The following LPAR1 variants were observed in gnomAD, a reference collection of about 807,000 sequenced individuals.
The protein encoded by LPAR1 is LPA receptor 1.
LPAR1 carries 5 observed loss-of-function variants against 23.8 expected under a neutral mutation model. The ratio of observed to expected loss-of-function variants is 0.21; its 90% CI spans 0.11 to 0.44. The LOEUF is 0.44. LPAR1 is among the 20% of genes least tolerant of loss of function. LPAR1 has a pLI of 0.99. For synonymous variants in LPAR1, 160 were observed against 164.7 expected, an observed-to-expected ratio of 0.97 and a Z score of 0.22; for missense variants, 311 against 482.8, an observed-to-expected ratio of 0.64 and a Z score of 3.33.
At chr9:110,893,240 T>C (rs1480803644) in intron 5 of LPAR1, among the ~76,000 whole-genome samples, 1 of 152,222 alleles carries the variant, frequency 6.6e-6, no homozygotes, top group Non-Finnish European at 1.5e-5. Context: ...AACAATTCCA[T>C]TTTAGAAATG....
At chr9:110,953,001 C>A (rs982570961) in intron 4 of LPAR1, among the ~76,000 whole-genome samples, 3 of 152,208 alleles carry the variant, frequency 2.0e-5, no homozygotes, top group African/African-American at 7.2e-5. Flanking sequence ...GGCACACAGA[C>A]GTATGTGCCA....
At chr9:111,034,011 A>G (rs991391950) in intron 2 of LPAR1, among the ~76,000 whole-genome samples, 2 of 152,222 alleles carry the variant, frequency 1.3e-5, no homozygotes, top group African/African-American at 2.4e-5. Flanking sequence ...GAACCTATAA[A>G]GCTCCTGAAT....
intron 4 of LPAR1, among the ~76,000 whole-genome samples, chr9:110,960,724 T>C (rs1165575604): frequency 1.3e-5 from 2 of 152,206 alleles, no homozygotes; most frequent in African/African-American, 4.8e-5. Context: ...GTTAATTTAC[T>C]CATCCACAAA....
At chr9:110,999,616 T>C (rs1371549571) in intron 2 of LPAR1, 2 of 356,464 alleles carry the variant, frequency 5.6e-6, no homozygotes, top group East Asian at 1.6e-4. Flanking sequence ...AGTTGGGCTC[T>C]GATGAGGCCT....
At chr9:111,021,815 G>A (rs1172192154) in intron 2 of LPAR1, among the ~76,000 whole-genome samples, 1 of 151,830 alleles carries the variant, frequency 6.6e-6, no homozygotes, top group Non-Finnish European at 1.5e-5. Context: ...ACAAAAATTA[G>A]CTGAGTGTGG....
rs752492347 is a variant in LPAR1 at position 110,956,807 on chromosome 9, C to G, written c.46-14639G>C. Among the ~76,000 whole-genome samples, 6 of 152,174 alleles carry G rather than the reference C, an allele frequency of 3.9e-5. No homozygotes were observed. In the East Asian group the frequency reaches 1.2e-3, roughly 29 times the overall value. ...GAATCAGTAATAAAAAGTCTCCCAA[C>G]AAAATAAATTCCAGGACTAAATGAC... On this transcript the variant is annotated intron_variant, in intron 4 of 5. Transcript: ENST00000683809.
intron 2 of LPAR1, among the ~76,000 whole-genome samples, chr9:111,023,407 C>A (rs969212526): frequency 6.6e-6 from 1 of 152,196 alleles, no homozygotes; most frequent in African/African-American, 2.4e-5. Context: ...ATGTCAGTTC[C>A]CCAGGGAAAT....
chr9:111,023,703 T>C (rs7039431), intron 2 of LPAR1, among the ~76,000 whole-genome samples: 79,171 of 152,018 alleles, frequency 0.52, 20,848 homozygotes, highest in East Asian at 0.67. Context: ...ACTAGATCAG[T>C]GTCTTTCAAA....
intron 5 of LPAR1, among the ~76,000 whole-genome samples, chr9:110,902,646 A>G (rs2089677749): frequency 6.6e-6 from 1 of 152,178 alleles, no homozygotes; most frequent in Non-Finnish European, 1.5e-5. Flanking sequence ...ATAAGAAGAC[A>G]GGAAAGCACT....
At chr9:111,024,553 TAC>T (rs1391748557) in intron 2 of LPAR1, among the ~76,000 whole-genome samples, 803 of 35,328 alleles carry the variant, frequency 0.023, 14 homozygotes, top group African/African-American at 0.062. Flanking sequence ...TGTATATATA[TAC>T]ACACACATAT....
At chr9:110,884,409 TA>T (rs2132723616) in intron 5 of LPAR1, among the ~76,000 whole-genome samples, 1 of 138,102 alleles carries the variant, frequency 7.2e-6, no homozygotes, top group Non-Finnish European at 1.7e-5. Flanking sequence ...AGGTGTAATT[TA>T]TTTTTATTTA....
At chr9:110,946,116 A>G (rs1317114146) in intron 4 of LPAR1, among the ~76,000 whole-genome samples, 2 of 152,174 alleles carry the variant, frequency 1.3e-5, no homozygotes, top group South Asian at 4.1e-4. Flanking sequence ...GAAGTATAAA[A>G]ATTCCAGAAA....
Position 110,993,560 on chromosome 9 carries a change from G to T in LPAR1, c.-181-20002C>A, listed in dbSNP as rs191694097. ...TGTGTCAAAGCCTGAAAGGTGAGGG[G>T]TCAACCAGGAGAGAAAGAAAGAGGT... On this transcript the variant is annotated intron_variant, in intron 2 of 5. Transcript: ENST00000683809. Among the ~76,000 whole-genome samples, 3 of 152,210 alleles carry T rather than the reference G, an allele frequency of 2.0e-5. No homozygotes were observed. The East Asian group carries it at 5.8e-4, about 29-fold the overall frequency.
chr9:110,950,143 G>C (rs79268529), intron 4 of LPAR1, among the ~76,000 whole-genome samples: 1 of 105,412 alleles, frequency 9.5e-6, no homozygotes, highest in Non-Finnish European at 1.8e-5. Flanking sequence ...TGACATGAAT[G>C]TCATATTTAA....
intron 5 of LPAR1, among the ~76,000 whole-genome samples, chr9:110,885,213 C>T (rs1335019976): frequency 2.6e-5 from 4 of 152,186 alleles, no homozygotes; most frequent in Non-Finnish European, 5.9e-5. Flanking sequence ...TATACTATCA[C>T]TGTTTCCATG....
chr9:110,964,284 GT>G (rs749135952), intron 4 of LPAR1, among the ~76,000 whole-genome samples: 35 of 133,218 alleles, frequency 2.6e-4, no homozygotes, highest in Non-Finnish European at 3.4e-4. Context: ...TCTAATCAAT[GT>G]TTTTAAAAAA....
chr9:110,953,598 G>A (rs1181137916), intron 4 of LPAR1, among the ~76,000 whole-genome samples: 2 of 151,850 alleles, frequency 1.3e-5, no homozygotes, highest in African/African-American at 2.4e-5. Context: ...AGGAGGCAGA[G>A]GTTGTGGTGA....
chr9:110,945,078 A>T (rs1391940985), intron 4 of LPAR1, among the ~76,000 whole-genome samples: 1 of 152,226 alleles, frequency 6.6e-6, no homozygotes, highest in Non-Finnish European at 1.5e-5. Flanking sequence ...AATAGGACTG[A>T]ACTGATAGAG....
At chr9:110,980,173 C>T (rs1428932514) in intron 2 of LPAR1, among the ~76,000 whole-genome samples, 1 of 152,064 alleles carries the variant, frequency 6.6e-6, no homozygotes, top group Non-Finnish European at 1.5e-5. Context: ...GAATGGTACA[C>T]TTTGCACATG....
Sources: gnomAD v4.1 joint callset for allele counts (sites outside exome capture counted in the v4.1 genomes callset) on GRCh38, gnomAD v4.1.1 for gene constraint, MANE v1.5 for transcripts, NCBI Gene and HGNC (gene_info 2026-07-23, HGNC 2026-07-21) for gene names.